The following SULT4A1 variants were observed in gnomAD, a reference collection of about 807,000 sequenced individuals.
The protein encoded by SULT4A1 is sulfotransferase family 4A member 1.
A neutral mutation model predicts 35.2 loss-of-function variants in SULT4A1; 11 were observed. That is an observed-to-expected ratio of 0.31 (90% CI 0.20 to 0.52). The LOEUF (loss-of-function observed/expected upper bound fraction) is 0.52, where lower values mean the gene tolerates loss of function less well. SULT4A1 is among the 20% of genes least tolerant of loss of function. SULT4A1 has a pLI of 0.97. For missense variants in SULT4A1, 271 were observed against 383.7 expected (o/e 0.71, Z 2.45); for synonymous variants, 152 against 151.8 (o/e 1.00, Z -0.01).
In SULT4A1 at chr22:43,838,851, A is replaced by C; in HGVS notation, c.508+16T>G. 1 of 1,613,728 alleles carries C rather than the reference A, an allele frequency of 6.2e-7. No homozygotes were observed. On this transcript the variant is annotated intron_variant, in intron 4 of 6. Coordinates refer to ENST00000330884, the MANE Select transcript of SULT4A1 (RefSeq NM_014351.4). The stretch of plus-strand genomic sequence containing the variant: ...ACGGCTCCGGTTCTAACATGCCGCC[A>C]GGCTGCAACACTCACGCTTATCATT...
chr22:43,838,998 G>A lies in SULT4A1; in HGVS notation c.382-5C>T, dbSNP rs770283098. ...GTTGCGAGCCATATAGATGACCTGT[G>A]GGTGACAGGAGCAGGATGAGTCCGT... On this transcript the variant is annotated splice_polypyrimidine_tract_variant and splice_region_variant and intron_variant, in intron 3 of 6. Transcript: ENST00000330884. 16 of 1,613,786 alleles carry A rather than the reference G, an allele frequency of 9.9e-6. No homozygotes were observed. The African/African-American group carries it at 1.9e-4, about 19-fold the overall frequency.
In SULT4A1 at chr22:43,824,771, A is replaced by T. The variant is rs2063275290; in HGVS notation, c.*1230T>A. ...GTTTCAAATACAGCACCAAGAACGG[A>T]GACCCCTTCCACAGCAGCGACCCTC... On this transcript the variant is annotated 3_prime_UTR_variant, in exon 7 of 7. Coordinates refer to ENST00000330884, the MANE Select transcript of SULT4A1 (RefSeq NM_014351.4). 6.6e-6 allele frequency: 1 copy of T among 152,196 alleles called. No individual in the cohort carries two copies. The highest frequency in any genetic ancestry group is 2.4e-5 in the African/African-American group (1 of 41,412). The allele number at this position is 152,196 out of a possible 1,614,324, so 9.4% of individuals were successfully genotyped here. A position where few individuals can be genotyped will look rare whatever the true frequency, so the allele number is the denominator to read the frequency against.
chr22:43,825,987 T>G lies in SULT4A1; in HGVS notation c.*14A>C, dbSNP rs1247586424. The G allele has an allele frequency of 2.5e-5, 40 of 1,611,718 alleles. No individual in the cohort carries two copies. The East Asian group carries it at 6.2e-4, about 25-fold the overall frequency. The stretch of plus-strand genomic sequence containing the variant: ...GTCTGGGTATTGTGAGCATGCAGGT[T>G]GTTGTTTCTGTTATTATAAATAAAA... On this transcript the variant is annotated 3_prime_UTR_variant, in exon 7 of 7. Coordinates refer to ENST00000330884, the MANE Select transcript of SULT4A1 (RefSeq NM_014351.4).
intron 5 of SULT4A1, 111 bp from the exon 6 acceptor site, chr22:43,829,309 C>T (rs2063309469): frequency 8.0e-7 from 1 of 1,247,354 alleles, no homozygotes. Flanking sequence ...GCCTTCCTTA[C>T]TTAATGCTCA....
intron 1 of SULT4A1, among the ~76,000 whole-genome samples, chr22:43,860,923 T>C (rs571310772): frequency 3.3e-5 from 5 of 152,078 alleles, no homozygotes; most frequent in Non-Finnish European, 7.4e-5. Context: ...CCTCAGCAAC[T>C]GTGTGACTCC....
At chr22:43,827,134 C>T (rs2063292560) in intron 6 of SULT4A1, 3 of 985,302 alleles carry the variant, frequency 3.0e-6, no homozygotes, top group Non-Finnish European at 2.4e-6. Flanking sequence ...GCACATCACC[C>T]GAGTACTGCC....
intron 1 of SULT4A1, among the ~76,000 whole-genome samples, chr22:43,853,726 C>G (rs868687238): frequency 2.0e-5 from 3 of 152,244 alleles, no homozygotes; most frequent in African/African-American, 4.8e-5. Flanking sequence ...AAGTGAACTT[C>G]TCCTAGGCCT....
intron 1 of SULT4A1, among the ~76,000 whole-genome samples, chr22:43,859,921 A>C (rs1197698019): frequency 6.6e-6 from 1 of 152,272 alleles, no homozygotes; most frequent in Non-Finnish European, 1.5e-5. Flanking sequence ...TGGAGAGCAC[A>C]GTCCTAACCC....
intron 1 of SULT4A1, among the ~76,000 whole-genome samples, chr22:43,844,594 T>A (rs1177468835): frequency 6.6e-6 from 1 of 152,200 alleles, no homozygotes. Context: ...GGCCCAGGCA[T>A]TCAATCATTT....
chr22:43,850,386 T>A (rs1222672832), intron 1 of SULT4A1, among the ~76,000 whole-genome samples: 1 of 152,268 alleles, frequency 6.6e-6, no homozygotes, highest in Non-Finnish European at 1.5e-5. Context: ...AATTTGGTGT[T>A]TAATGCAAAG....
chr22:43,842,889 G>A (rs919113886), intron 1 of SULT4A1, among the ~76,000 whole-genome samples: 1 of 151,648 alleles, frequency 6.6e-6, no homozygotes, highest in Admixed American at 6.6e-5. Flanking sequence ...ATGGCTCCTG[G>A]CTCATTATCC....
chr22:43,833,833 C>G (rs772636236), intron 4 of SULT4A1, 99 bp from the exon 5 acceptor site: 37 of 987,134 alleles, frequency 3.7e-5, no homozygotes, highest in Non-Finnish European at 5.5e-5. Flanking sequence ...TGCCACCCAG[C>G]AGCCGTGATG....
intron 6 of SULT4A1, chr22:43,826,873 A>G (rs2063290491): frequency 1.0e-6 from 1 of 985,338 alleles, no homozygotes; most frequent in Non-Finnish European, 1.2e-6. Context: ...GCCCAGGCTT[A>G]GTCAGAAACC....
intron 1 of SULT4A1, among the ~76,000 whole-genome samples, chr22:43,859,276 T>C (rs1033072617): frequency 6.6e-6 from 1 of 152,226 alleles, no homozygotes; most frequent in African/African-American, 2.4e-5. Flanking sequence ...AATCCTCTCA[T>C]TTTTAATGAG....
chr22:43,856,738 A>T (rs1056133881), intron 1 of SULT4A1, among the ~76,000 whole-genome samples: 2 of 152,058 alleles, frequency 1.3e-5, no homozygotes, highest in Non-Finnish European at 2.9e-5. Flanking sequence ...ATAATATGAA[A>T]CCAGTGGTCA....
chr22:43,844,892 G>GC (rs2063462746), intron 1 of SULT4A1, among the ~76,000 whole-genome samples: 1 of 152,214 alleles, frequency 6.6e-6, no homozygotes, highest in Admixed American at 6.5e-5. Context: ...AGGAAGCGGG[G>GC]CCCCGCCTGG....
At chr22:43,850,232 T>C (rs2063502335) in intron 1 of SULT4A1, among the ~76,000 whole-genome samples, 1 of 152,212 alleles carries the variant, frequency 6.6e-6, no homozygotes, top group Non-Finnish European at 1.5e-5. Context: ...AGTGTACTGA[T>C]ATCATTATTT....
chr22:43,862,117 C>T, intron 1 of SULT4A1, 97 bp downstream of exon 1: 3 of 1,039,146 alleles, frequency 2.9e-6, no homozygotes, highest in Non-Finnish European at 3.7e-6. Context: ...GGCGACCACC[C>T]GGCCCAGCAG....
At chr22:43,831,252 T>C (rs559063081) in intron 5 of SULT4A1, among the ~76,000 whole-genome samples, 64 of 141,846 alleles carry the variant, frequency 4.5e-4, no homozygotes, top group African/African-American at 1.5e-3. Flanking sequence ...CCATCATTGC[T>C]GAGGAAACTG....
Sources: gnomAD v4.1 joint callset for allele counts (sites outside exome capture counted in the v4.1 genomes callset) on GRCh38, gnomAD v4.1.1 for gene constraint, MANE v1.5 for transcripts, NCBI Gene and HGNC (gene_info 2026-07-23, HGNC 2026-07-21) for gene names.